Variants in TDRP observed in about 807,000 individuals in gnomAD.
TDRP encodes the protein testis development related protein, also known as testis development-related protein.
In TDRP, 12 loss-of-function variants were observed where a neutral mutation model predicts 10.5. The observed-to-expected ratio is 1.15, with a 90% confidence interval of 0.73 to 1.86. TDRP has a LOEUF of 1.86. Ranked by LOEUF, TDRP falls within the 40% of genes most tolerant of loss-of-function variation. The probability of loss-of-function intolerance (pLI) is 0.00; values close to 1 mark genes in which losing one functional copy is unlikely to be tolerated. For missense variants in TDRP, 353 were observed against 229.2 expected, an observed-to-expected ratio of 1.54 and a Z score of -3.49; for synonymous variants, 139 against 95.4, an observed-to-expected ratio of 1.46 and a Z score of -2.67.
At chr8:500,918 A>G (rs1169546577) in intron 1 of TDRP, among the ~76,000 whole-genome samples, 1 of 152,254 alleles carries the variant, frequency 6.6e-6, no homozygotes, top group Non-Finnish European at 1.5e-5. Flanking sequence ...TAACAAGAAC[A>G]TGAGCAGGCC....
rs75808847 is a variant in TDRP at position 517,106 on chromosome 8, T to C, written c.109-22509A>G. Among the ~76,000 whole-genome samples the C allele has an allele frequency of 1.6e-3, 238 of 152,288 alleles. 1 individual carries two copies. The highest frequency in any genetic ancestry group is 5.5e-3 in the African/African-American group (227 of 41,560). On this transcript the variant is annotated intron_variant, in intron 1 of 2. Transcript: ENST00000324079. ...CATGCCTCATTATACTTTCCTCCCT[T>C]TGGCGCTCAGGCAAAACTGAAGAGC...
At chr8:515,598 G>C (rs1278119301) in intron 1 of TDRP, among the ~76,000 whole-genome samples, 1 of 152,154 alleles carries the variant, frequency 6.6e-6, no homozygotes, top group Non-Finnish European at 1.5e-5. Flanking sequence ...TGCTCAACCT[G>C]TACTATCAAA....
intron 1 of TDRP, among the ~76,000 whole-genome samples, chr8:529,475 T>G (rs1451912347): frequency 6.6e-6 from 1 of 152,234 alleles, no homozygotes; most frequent in African/African-American, 2.4e-5. Flanking sequence ...AGTTTTTTCA[T>G]ATACTTTTAT....
At chr8:526,791 G>C (rs1584877092) in intron 1 of TDRP, among the ~76,000 whole-genome samples, 1 of 152,084 alleles carries the variant, frequency 6.6e-6, no homozygotes, top group Admixed American at 6.6e-5. Context: ...TCTCAGATCT[G>C]GAACATGACA....
intron 1 of TDRP, among the ~76,000 whole-genome samples, chr8:500,926 G>A (rs1020358256): frequency 3.9e-5 from 6 of 152,190 alleles, no homozygotes; most frequent in Non-Finnish European, 4.4e-5. Flanking sequence ...ACATGAGCAG[G>A]CCGGGCGCGG....
intron 1 of TDRP, among the ~76,000 whole-genome samples, chr8:532,930 A>G (rs1439612871): frequency 6.6e-6 from 1 of 152,132 alleles, no homozygotes; most frequent in Non-Finnish European, 1.5e-5. Flanking sequence ...CAAAGCCTAA[A>G]ACAGTTACTA....
At chr8:526,017 T>A (rs1584876417) in intron 1 of TDRP, among the ~76,000 whole-genome samples, 1 of 152,332 alleles carries the variant, frequency 6.6e-6, no homozygotes, top group East Asian at 1.9e-4. Flanking sequence ...TCTTCATGGT[T>A]CAAACTTCAC....
chr8:506,224 T>C (rs988232652), intron 1 of TDRP, among the ~76,000 whole-genome samples: 11 of 152,194 alleles, frequency 7.2e-5, no homozygotes, highest in African/African-American at 1.4e-4. Flanking sequence ...CAAGGGCACA[T>C]AGTAAGTGAA....
intron 2 of TDRP, among the ~76,000 whole-genome samples, chr8:493,507 C>G (rs1412752738): frequency 1.3e-5 from 2 of 152,270 alleles, no homozygotes; most frequent in African/African-American, 2.4e-5. Flanking sequence ...CGGGGGCCCA[C>G]AGTCCTCAAA....
chr8:514,298 C>A (rs768420884), intron 1 of TDRP, among the ~76,000 whole-genome samples: 6 of 152,206 alleles, frequency 3.9e-5, no homozygotes, highest in Non-Finnish European at 8.8e-5. Context: ...CAGAAATAAA[C>A]CCATACATAT....
At chr8:500,596 G>A (rs1001541379) in intron 1 of TDRP, among the ~76,000 whole-genome samples, 2 of 152,196 alleles carry the variant, frequency 1.3e-5, no homozygotes, top group Non-Finnish European at 2.9e-5. Context: ...TAAACAAAAT[G>A]TCCAAGATAC....
chr8:493,699 T>G (rs1353442655), intron 2 of TDRP, among the ~76,000 whole-genome samples: 1 of 152,268 alleles, frequency 6.6e-6, no homozygotes, highest in Admixed American at 6.5e-5. Flanking sequence ...TCAGTTTAAA[T>G]GTATTCAATT....
At position 491,572 on chromosome 8, in the gene TDRP, T is replaced by C; in HGVS notation, c.*827A>G. 2 of 1,489,930 alleles carry C rather than the reference T, an allele frequency of 1.3e-6. No homozygotes were observed. Among genetic ancestry groups the C allele is most frequent in the Non-Finnish European group, 1.8e-6 (2 of 1,128,472 alleles). The allele number at this position is 1,489,930 out of a possible 1,614,324, so 92.3% of individuals were successfully genotyped here. A position where few individuals can be genotyped will look rare whatever the true frequency, so the allele number is the denominator to read the frequency against. On this transcript the variant is annotated 3_prime_UTR_variant, in exon 3 of 3. Coordinates refer to ENST00000324079, the MANE Select transcript of TDRP (RefSeq NM_001384899.1). Reference sequence around the variant, plus strand: ...ATGAGCCTAATAAAAAAGAGGCACTTCAGTATTTTATGCACAGTCTTAACT... The same window carrying C: ...ATGAGCCTAATAAAAAAGAGGCACTCCAGTATTTTATGCACAGTCTTAACT...
rs1374487339 is a variant in TDRP, at chr8:544,794, C to A, written c.-37G>T. 8.2e-7 allele frequency: 1 copy of A among 1,217,270 alleles called. No individual in the cohort carries two copies. Among genetic ancestry groups the A allele is most frequent in the South Asian group, 4.1e-5 (1 of 24,170 alleles). The allele number at this position is 1,217,270 out of a possible 1,614,324, so 75.4% of individuals were successfully genotyped here. A position where few individuals can be genotyped will look rare whatever the true frequency, so the allele number is the denominator to read the frequency against. ...CTCCGGCGTCCCTCCGTCCGTGCGT[C>A]GGGCTGTGGCTCCGCGTCCCTCCCG... is the stretch of plus-strand genomic sequence containing the variant. On this transcript the variant is annotated 5_prime_UTR_variant, in exon 1 of 3. Coordinates refer to ENST00000324079, the MANE Select transcript of TDRP (RefSeq NM_001384899.1).
intron 1 of TDRP, among the ~76,000 whole-genome samples, chr8:505,127 T>C (rs1284364183): frequency 6.6e-6 from 1 of 152,222 alleles, no homozygotes; most frequent in Non-Finnish European, 1.5e-5. Context: ...TTGGAATTAC[T>C]TATGTAATCT....
chr8:519,519 G>C (rs541646404), intron 1 of TDRP, among the ~76,000 whole-genome samples: 74 of 152,090 alleles, frequency 4.9e-4, no homozygotes, highest in Admixed American at 1.2e-3. Context: ...TTGTACAACA[G>C]ATCTCTAAAA....
At chr8:544,118 T>C (rs549790792) in intron 1 of TDRP, among the ~76,000 whole-genome samples, 6 of 152,196 alleles carry the variant, frequency 3.9e-5, no homozygotes, top group Non-Finnish European at 5.9e-5. Flanking sequence ...AAATACTTGT[T>C]ATGCAAACAA....
upstream of TDRP, chr8:544,977 CCAGAACCAGGCCCGCTCCAAGCCCTCCT>C (rs1301970073): frequency 2.4e-5 from 8 of 333,550 alleles, no homozygotes; most frequent in Non-Finnish European, 3.8e-5. Flanking sequence ...CAAACCATCC[CCAGAACCAGGCCCGCTCCAAGCCCTCCT>C]CAGGACCAGG....
chr8:491,713 G>C lies in TDRP; in HGVS notation c.*686C>G. On this transcript the variant is annotated 3_prime_UTR_variant, in exon 3 of 3. Coordinates refer to ENST00000324079, the MANE Select transcript of TDRP (RefSeq NM_001384899.1). ...AGCAAATGTTTTAAGAAAATAAAGG[G>C]ACCGATTTAGAAGTTCAAAAGAGGT... 1 of 1,483,224 alleles carries C rather than the reference G, an allele frequency of 6.7e-7. No homozygotes were observed. Among genetic ancestry groups the C allele is most frequent in the Non-Finnish European group, 8.9e-7 (1 of 1,129,000 alleles). 91.9% of individuals were successfully genotyped at this position (1,483,224 alleles called of 1,614,324 possible). A position where few individuals can be genotyped will look rare whatever the true frequency, so the allele number is the denominator to read the frequency against.
Sources: gnomAD v4.1 joint callset for allele counts (sites outside exome capture counted in the v4.1 genomes callset) on GRCh38, gnomAD v4.1.1 for gene constraint, MANE v1.5 for transcripts, NCBI Gene and HGNC (gene_info 2026-07-23, HGNC 2026-07-21) for gene names.